The following USP7 variants were observed in gnomAD, a reference collection of about 807,000 sequenced individuals.
USP7 encodes the protein ubiquitin specific peptidase 7, also known as ubiquitin C-terminal hydrolase 7.
USP7 carries 9 observed loss-of-function variants against 162.9 expected under a neutral mutation model. The ratio of observed to expected loss-of-function variants is 0.06; its 90% CI spans 0.03 to 0.10. The LOEUF (loss-of-function observed/expected upper bound fraction) is 0.10, where lower values mean the gene tolerates loss of function less well. USP7 is among the 10% of genes least tolerant of loss of function. The probability of loss-of-function intolerance (pLI) is 1.00; values close to 1 mark genes in which losing one functional copy is unlikely to be tolerated. For missense variants in USP7, 715 were observed against 1,373.7 expected (o/e 0.52, Z 7.58); for synonymous variants, 562 against 475.9 (o/e 1.18, Z -2.35).
chr16:8,908,545 T>C, intron 11 of USP7, 95 bp from the exon 12 acceptor site: 1 of 961,296 alleles, frequency 1.0e-6, no homozygotes, highest in Non-Finnish European at 1.6e-6. Context: ...GGAACATGTC[T>C]GGAGACTCTG....
At position 8,901,206 on chromosome 16, in the gene USP7, A is replaced by G. The variant is rs1049371067; in HGVS notation, c.2076T>C (p.Tyr692=). ...AATTCAAGCTCCGCGTTTTGGGATC[A>G]TACATCTTCAAAAATAACATTACAT... The part of the protein sequence containing the change: ...DHDVMLFLKM[Y]DPKTRSLNYC... The change falls in exon 19 of 31, where the codon TAT becomes TAC. Residue 692 remains tyrosine, a synonymous_variant. Transcript: ENST00000344836. The G allele has an allele frequency of 6.2e-7, 1 of 1,613,796 alleles. No individual in the cohort carries two copies. The highest frequency in any genetic ancestry group is 1.1e-5 in the South Asian group (1 of 91,080).
At chr16:8,923,873 C>G (rs1045383413) in intron 2 of USP7, among the ~76,000 whole-genome samples, 18 of 152,194 alleles carry the variant, frequency 1.2e-4, no homozygotes, top group African/African-American at 4.3e-4. Flanking sequence ...GCCAGGGAAA[C>G]AGCCATTCCC....
intron 1 of USP7, among the ~76,000 whole-genome samples, chr16:8,932,906 A>AT (rs1253139823): frequency 6.6e-6 from 1 of 152,104 alleles, no homozygotes. Context: ...GGAAAAAAAA[A>AT]CCAATGAAGG....
chr16:8,904,843 A>T (rs1458914177), intron 14 of USP7, among the ~76,000 whole-genome samples: 2 of 152,034 alleles, frequency 1.3e-5, no homozygotes, highest in Non-Finnish European at 2.9e-5. Flanking sequence ...GTGGTGGCAG[A>T]CGCCTGTAGT....
At chr16:8,915,580 C>A in intron 8 of USP7, 55 bp from the exon 9 acceptor site, 1 of 1,435,832 alleles carries the variant, frequency 7.0e-7, no homozygotes, top group East Asian at 2.4e-5. Flanking sequence ...GTAATATATA[C>A]AGTAATTTTA....
chr16:8,921,682 C>G (rs575695770), intron 3 of USP7, among the ~76,000 whole-genome samples: 2 of 152,322 alleles, frequency 1.3e-5, no homozygotes, highest in South Asian at 2.1e-4. Context: ...TGCCCTCCAG[C>G]ACATGCTGGG....
intron 14 of USP7, 148 bp from the exon 15 acceptor site, chr16:8,904,713 CG>C: frequency 8.3e-7 from 1 of 1,211,306 alleles, no homozygotes; most frequent in East Asian, 2.7e-5. Flanking sequence ...GAGGCTGAGG[CG>C]GGCCGATCAC....
rs2061758252 is a variant in USP7, at chr16:8,900,530, T to G, written c.2309A>C (p.Lys770Thr). The G allele has an allele frequency of 6.3e-7, 1 of 1,599,444 alleles. No homozygotes were observed. Among genetic ancestry groups the G allele is most frequent in the African/African-American group, 1.3e-5 (1 of 74,480 alleles). The change falls in exon 21 of 31, where the codon AAG (lysine) becomes ACG (threonine). Residue 770 changes from lysine (K) to threonine (T), a missense_variant and splice_region_variant. This residue lies in a region of USP7 where 222 missense variants were observed against 441.7 expected (regional missense o/e 0.50). Transcript: ENST00000344836. ...LMDGDIIVFQ[K>T]DDPENDNSEL... ...ATACAATCCTTCACAAAGTACATAC[T>G]TCTGAAATACTATGATGTCACCATC...
rs1189642797 is a variant in USP7, at chr16:8,897,702, A to C, written c.2719-603T>G. On this transcript the variant is annotated intron_variant, in intron 25 of 30. Coordinates refer to ENST00000344836, the MANE Select transcript of USP7 (RefSeq NM_003470.3). ...TATAGTGAGACCCTGTCTCTACAAA[A>C]AAAAAAAAAAAAAAAAAAAAAAAAA... Among the ~76,000 whole-genome samples, 25 of 28,400 alleles carry C rather than the reference A, an allele frequency of 8.8e-4. 5 individuals are homozygous for C. Among genetic ancestry groups the C allele is most frequent in the Admixed American group, 1.3e-3 (2 of 1,532 alleles). 18.6% of individuals were successfully genotyped at this position (28,400 alleles called of 152,430 possible).
At chr16:8,948,667 C>T (rs34676056) in intron 1 of USP7, among the ~76,000 whole-genome samples, 1 of 152,188 alleles carries the variant, frequency 6.6e-6, no homozygotes, top group African/African-American at 2.4e-5. Context: ...AAGGGAACGA[C>T]TACTGGCTAC....
intron 1 of USP7, among the ~76,000 whole-genome samples, chr16:8,942,648 A>T (rs1899101694): frequency 6.6e-6 from 1 of 152,166 alleles, no homozygotes. Flanking sequence ...CCCAGGCTCA[A>T]GCAATCCTCC....
At chr16:8,935,552 G>C (rs1898660248) in intron 1 of USP7, 1 of 152,176 alleles carries the variant, frequency 6.6e-6, no homozygotes, top group African/African-American at 2.4e-5. Flanking sequence ...AAATAAGACT[G>C]GGGACATGTT....
intron 3 of USP7, 50 bp downstream of exon 3, chr16:8,923,165 T>C (rs753042553): frequency 1.2e-4 from 3 of 24,444 alleles, no homozygotes; most frequent in South Asian, 3.9e-4. Flanking sequence ...TAAGATAAAA[T>C]TGCACTAGGC....
intron 10 of USP7, among the ~76,000 whole-genome samples, chr16:8,911,071 A>C (rs1313795404): frequency 6.6e-6 from 1 of 152,248 alleles, no homozygotes; most frequent in Non-Finnish European, 1.5e-5. Context: ...GTAACAGTTA[A>C]GGTTTTACTG....
chr16:8,936,000 T>C (rs892107086), intron 1 of USP7: 3 of 152,278 alleles, frequency 2.0e-5, no homozygotes, highest in African/African-American at 7.2e-5. Context: ...CTGGCTTTCA[T>C]ATTTTCTGCC....
At chr16:8,946,003 G>T (rs572549936) in intron 1 of USP7, among the ~76,000 whole-genome samples, 1 of 152,262 alleles carries the variant, frequency 6.6e-6, no homozygotes, top group African/African-American at 2.4e-5. Flanking sequence ...AGGGGAGAAT[G>T]GAAGAGTCCA....
At chr16:8,938,733 C>T (rs960225721) in intron 1 of USP7, among the ~76,000 whole-genome samples, 6 of 150,638 alleles carry the variant, frequency 4.0e-5, no homozygotes, top group African/African-American at 7.4e-5. Flanking sequence ...ATTGGGGGGA[C>T]GGGGGAGTCT....
intron 2 of USP7, chr16:8,929,402 G>A: frequency 2.2e-6 from 1 of 445,068 alleles, no homozygotes; most frequent in Non-Finnish European, 4.5e-6. Flanking sequence ...AGCTGCCAGG[G>A]GTAAACCGCA....
chr16:8,947,414 T>C (rs1375125298), intron 1 of USP7, among the ~76,000 whole-genome samples: 2 of 152,136 alleles, frequency 1.3e-5, no homozygotes, highest in South Asian at 4.2e-4. Flanking sequence ...AGTGGTGCCA[T>C]CTCGGCTCAC....
Sources: allele counts gnomAD v4.1 joint callset (sites outside exome capture counted in the v4.1 genomes callset), GRCh38; gene constraint gnomAD v4.1.1; regional missense constraint gnomAD v4.1.1; transcripts MANE v1.5; gene names NCBI Gene and HGNC (gene_info 2026-07-23, HGNC 2026-07-21).